Variants in RASSF2 observed in about 807,000 individuals in gnomAD.
The protein encoded by RASSF2 is ras association domain-containing protein 2.
Under a neutral mutation model 46.3 loss-of-function variants are expected in RASSF2, and 34 were observed. The observed-to-expected ratio is 0.73, with a 90% CI of 0.56 to 0.98. The LOEUF (loss-of-function observed/expected upper bound fraction) is 0.98, where lower values mean the gene tolerates loss of function less well. Ranked by LOEUF, RASSF2 falls within the 50% of genes least tolerant of loss-of-function variation. The probability of loss-of-function intolerance (pLI) is 0.00; values close to 1 mark genes in which losing one functional copy is unlikely to be tolerated. For missense variants in RASSF2, 364 were observed against 431.2 expected (o/e 0.84, Z 1.38); for synonymous variants, 158 against 162.5 (o/e 0.97, Z 0.21).
At chr20:4,796,673 C>T (rs1286065739) in intron 4 of RASSF2, among the ~76,000 whole-genome samples, 1 of 152,190 alleles carries the variant, frequency 6.6e-6, no homozygotes, top group Non-Finnish European at 1.5e-5. Context: ...AATGTAAAAC[C>T]ATTCTAGAGG....
intron 2 of RASSF2, among the ~76,000 whole-genome samples, chr20:4,818,541 A>G (rs911592682): frequency 1.3e-5 from 2 of 152,190 alleles, no homozygotes; most frequent in Non-Finnish European, 2.9e-5. Context: ...CTGAGTGTTC[A>G]CTGATACCAG....
chr20:4,784,458 C>T, intron 11 of RASSF2, 116 bp from the exon 12 acceptor site: 2 of 901,582 alleles, frequency 2.2e-6, no homozygotes, highest in Admixed American at 4.0e-5. Flanking sequence ...CAGTCAAGTG[C>T]CCTGCTCCTT....
At chr20:4,808,706 A>C (rs1927543498) in intron 2 of RASSF2, among the ~76,000 whole-genome samples, 1 of 151,964 alleles carries the variant, frequency 6.6e-6, no homozygotes, top group Admixed American at 6.6e-5. Flanking sequence ...GGCTGGTTTC[A>C]AACTCCTGGC....
intron 2 of RASSF2, among the ~76,000 whole-genome samples, chr20:4,802,197 G>A (rs556036874): frequency 7.8e-4 from 119 of 151,958 alleles, no homozygotes; most frequent in South Asian, 2.9e-3. Flanking sequence ...TCAGCCTCCC[G>A]AGTAGCTGGA....
At position 4,780,626 on chromosome 20, in the gene RASSF2, C is replaced by CA. The variant is rs1301609077; in HGVS notation, c.*3646dup. The CA allele has an allele frequency of 2.0e-5, 3 of 152,200 alleles. No homozygotes were observed. The highest frequency in any genetic ancestry group is 7.2e-5 in the African/African-American group (3 of 41,452). 9.4% of individuals were successfully genotyped at this position (152,200 alleles called of 1,614,324 possible). A position where few individuals can be genotyped will look rare whatever the true frequency, so the allele number is the denominator to read the frequency against. ...CTGTCTCCTATCTCATTCTTCACGT[C>CA]ATGGTTTGGCCGCTGTAAGACACTG... On this transcript the variant is annotated 3_prime_UTR_variant, in exon 12 of 12. Coordinates refer to ENST00000379400, the MANE Select transcript of RASSF2 (RefSeq NM_014737.3).
chr20:4,822,758 C>G (rs889404123), intron 1 of RASSF2, among the ~76,000 whole-genome samples: 1 of 152,236 alleles, frequency 6.6e-6, no homozygotes, highest in East Asian at 1.9e-4. Context: ...ACGGCCCCCG[C>G]GCACCCTGCG....
intron 2 of RASSF2, among the ~76,000 whole-genome samples, chr20:4,821,823 C>G (rs1228789782): frequency 2.7e-5 from 2 of 73,150 alleles, no homozygotes; most frequent in African/African-American, 6.9e-5. Flanking sequence ...CCCTGTGAGG[C>G]CTGCTGGACT....
Position 4,783,299 on chromosome 20 carries a change from C to T in RASSF2, c.*974G>A, listed in dbSNP as rs1924999806. Reference sequence around the variant, plus strand: ...GGCACCTGTCATATCTGCAGGTAGCCTCGACATTTCCCTTCAACCTGAAAC... The same window carrying T: ...GGCACCTGTCATATCTGCAGGTAGCTTCGACATTTCCCTTCAACCTGAAAC... On this transcript the variant is annotated 3_prime_UTR_variant, in exon 12 of 12. Coordinates refer to ENST00000379400, the MANE Select transcript of RASSF2 (RefSeq NM_014737.3). The T allele has an allele frequency of 6.6e-6, 1 of 152,308 alleles. No individual in the cohort carries two copies. The highest frequency in any genetic ancestry group is 1.5e-5 in the Non-Finnish European group (1 of 68,102). The allele number at this position is 152,308 out of a possible 1,614,324, so 9.4% of individuals were successfully genotyped here. A position where few individuals can be genotyped will look rare whatever the true frequency, so the allele number is the denominator to read the frequency against.
rs372548305 is a variant in RASSF2 at position 4,790,267 on chromosome 20, C to G, written c.537+184G>C. Among the ~76,000 whole-genome samples the G allele has an allele frequency of 6.6e-6, 1 of 152,212 alleles. No individual in the cohort carries two copies. Among genetic ancestry groups the G allele is most frequent in the African/African-American group, 2.4e-5 (1 of 41,458 alleles). ...CACAGGGGGACTTTGAGGCTTCTGACCTGGGGTCCCTCAGCCCTCAGGAAG... is the reference window on the plus strand; with the variant it reads ...CACAGGGGGACTTTGAGGCTTCTGAGCTGGGGTCCCTCAGCCCTCAGGAAG... On this transcript the variant is annotated intron_variant, in intron 7 of 11. Coordinates refer to ENST00000379400, the MANE Select transcript of RASSF2 (RefSeq NM_014737.3). This position sits in a 1 kb window ranked among gnomAD's most constrained non-coding sequence, Gnocchi z 4.3.
chr20:4,809,283 C>T (rs550828742), intron 2 of RASSF2, among the ~76,000 whole-genome samples: 7 of 152,242 alleles, frequency 4.6e-5, no homozygotes, highest in South Asian at 4.1e-4. Flanking sequence ...GTCCTCTGGC[C>T]ATTTAATATG....
intron 8 of RASSF2, 124 bp from the exon 9 acceptor site, chr20:4,788,392 T>C (rs1925554607): frequency 6.2e-6 from 5 of 812,466 alleles, no homozygotes; most frequent in Non-Finnish European, 1.0e-5. Context: ...GGGAGAGCTA[T>C]TTATCTACAA....
chr20:4,823,124 G>A (rs1928831681), intron 1 of RASSF2, among the ~76,000 whole-genome samples: 1 of 152,198 alleles, frequency 6.6e-6, no homozygotes, highest in South Asian at 2.1e-4. Context: ...CGCGGCTCGG[G>A]GAGGAAAGAG....
rs1028059082 is a variant in RASSF2 at position 4,780,519 on chromosome 20, C to T, written c.*3754G>A. ...GAAATCATATCTCATCTCATCTGAG[C>T]GAAGCAAGACTTTGTGCAAAACGAT... On this transcript the variant is annotated 3_prime_UTR_variant, in exon 12 of 12. Coordinates refer to ENST00000379400, the MANE Select transcript of RASSF2 (RefSeq NM_014737.3). 4 of 152,166 alleles carry T rather than the reference C, an allele frequency of 2.6e-5. No individual in the cohort carries two copies. The highest frequency in any genetic ancestry group is 4.1e-4 in the South Asian group (2 of 4,822). 9.4% of individuals were successfully genotyped at this position (152,166 alleles called of 1,614,324 possible).
At chr20:4,788,150 T>C in intron 9 of RASSF2, 67 bp downstream of exon 9, 2 of 1,367,180 alleles carry the variant, frequency 1.5e-6, no homozygotes, top group Non-Finnish European at 2.1e-6. Flanking sequence ...GAGGCAGAGG[T>C]ATTTTTTTAA....
At chr20:4,805,654 G>A (rs1927283054) in intron 2 of RASSF2, among the ~76,000 whole-genome samples, 1 of 152,184 alleles carries the variant, frequency 6.6e-6, no homozygotes, top group Admixed American at 6.5e-5. Context: ...CCCACCCAAT[G>A]CCTTGCTTTG....
chr20:4,792,884 T>C, intron 5 of RASSF2: 1 of 597,318 alleles, frequency 1.7e-6, no homozygotes, highest in Non-Finnish European at 2.7e-6. Flanking sequence ...TTGCAGCAAC[T>C]GCAGTAACAC....
At chr20:4,805,197 T>C (rs79796053) in intron 2 of RASSF2, among the ~76,000 whole-genome samples, 1 of 151,984 alleles carries the variant, frequency 6.6e-6, no homozygotes, top group Non-Finnish European at 1.5e-5. Context: ...TCTGCAGATG[T>C]GATTAAATGA....
In RASSF2 at chr20:4,798,016, G is replaced by C; in HGVS notation, c.129C>G (p.His43Gln). 6.2e-7 allele frequency: 1 copy of C among 1,613,902 alleles called. No homozygotes were observed. Among genetic ancestry groups the C allele is most frequent in the Non-Finnish European group, 8.5e-7 (1 of 1,179,906 alleles). ...YYEGQNLQLR[H>Q]REEEDEFIVE... ...GTCCCTGGGGACTCCTTACCTCCCG[G>C]TGCCGGAGCTGTAAATTCTGGCCTT... is the stretch of plus-strand genomic sequence containing the variant. Residue 43 changes from histidine (H) to glutamine (Q), a missense_variant, in exon 4 of 12, where the codon CAC (histidine) becomes CAG (glutamine). By Grantham distance (24) the His-to-Gln change is conservative (BLOSUM62 0). Coordinates refer to ENST00000379400, the MANE Select transcript of RASSF2 (RefSeq NM_014737.3).
At chr20:4,815,446 C>T (rs1928227035) in intron 2 of RASSF2, among the ~76,000 whole-genome samples, 1 of 152,162 alleles carries the variant, frequency 6.6e-6, no homozygotes, top group Non-Finnish European at 1.5e-5. Flanking sequence ...AGTTAAAGTC[C>T]CCCCTGCACC....
Sources: allele counts gnomAD v4.1 joint callset (sites outside exome capture counted in the v4.1 genomes callset), GRCh38; gene constraint gnomAD v4.1.1; non-coding constraint Gnocchi (gnomAD v3.1); transcripts MANE v1.5; gene names NCBI Gene and HGNC (gene_info 2026-07-23, HGNC 2026-07-21).